ALPK2: variants seen among roughly 807,000 people sequenced by gnomAD.
The protein encoded by ALPK2 is alpha-protein kinase 2.
ALPK2 carries 127 observed loss-of-function variants against 163.1 expected under a neutral mutation model. The observed-to-expected ratio is 0.78, with a 90% CI of 0.67 to 0.90. The LOEUF is 0.90. ALPK2 is among the 40% of genes least tolerant of loss of function. The pLI is 0.00. For synonymous variants in ALPK2, 953 were observed against 959.1 expected (o/e 0.99, Z 0.12); for missense variants, 2,360 against 2,589.6 (o/e 0.91, Z 1.92).
rs755000390 is a variant in ALPK2 at position 58,579,321 on chromosome 18, G to A, written c.1455C>T (p.Leu485=). Residue 485 remains leucine (L), a synonymous_variant, in exon 4 of 13, where the codon CTC becomes CTT. Coordinates refer to ENST00000361673, the MANE Select transcript of ALPK2 (RefSeq NM_052947.4). ...AREEFASDNL[L]NMDESVRETE... is the part of the protein sequence containing the mutation. ...TCTCTCTTACTGATTCATCCATGTT[G>A]AGCAGATTGTCACTGGCAAATTCCT... 15 of 1,614,008 alleles carry A rather than the reference G, an allele frequency of 9.3e-6. No homozygotes were observed. In the East Asian group the frequency reaches 3.3e-4, roughly 36 times the overall value.
intron 3 of ALPK2, among the ~76,000 whole-genome samples, chr18:58,594,234 C>T (rs894852674): frequency 4.6e-5 from 7 of 152,004 alleles, no homozygotes; most frequent in African/African-American, 9.7e-5. Context: ...CTGGGAGCAA[C>T]GCAGACCCAC....
intron 4 of ALPK2, among the ~76,000 whole-genome samples, chr18:58,556,185 A>G (rs1234275989): frequency 1.3e-5 from 2 of 151,938 alleles, no homozygotes; most frequent in African/African-American, 2.4e-5. Flanking sequence ...ACACACACAC[A>G]CGCACACACA....
intron 4 of ALPK2, among the ~76,000 whole-genome samples, chr18:58,559,165 G>A (rs1037623454): frequency 6.6e-6 from 1 of 152,188 alleles, no homozygotes; most frequent in Non-Finnish European, 1.5e-5. Flanking sequence ...TCAACGTGGG[G>A]TGATTTTTGC....
At chr18:58,513,109 TGTA>T (rs1283693330) in intron 10 of ALPK2, among the ~76,000 whole-genome samples, 3 of 147,842 alleles carry the variant, frequency 2.0e-5, no homozygotes, top group African/African-American at 7.5e-5. Context: ...GTATGTGTGT[TGTA>T]TGTGGTGTGT....
chr18:58,574,438 CAAAAAAA>C lies in ALPK2; in HGVS notation c.1962+4369_1962+4375del, dbSNP rs34107333. Among the ~76,000 whole-genome samples, 28 of 49,406 alleles carry C rather than the reference CAAAAAAA, an allele frequency of 5.7e-4. 1 individual carries two copies. The highest frequency in any genetic ancestry group is 1.5e-3 in the South Asian group (2 of 1,342). The allele number at this position is 49,406 out of a possible 152,430, so 32.4% of individuals were successfully genotyped here. A position where few individuals can be genotyped will look rare whatever the true frequency, so the allele number is the denominator to read the frequency against. On this transcript the variant is annotated intron_variant, in intron 4 of 12. Coordinates refer to ENST00000361673, the MANE Select transcript of ALPK2 (RefSeq NM_052947.4). Reference sequence around the variant, plus strand: ...TGGGCAACAGAGTGAGACTCCATCTCAAAAAAAAAAAAAAAAAAAAAAGATTTGGATG... The same window carrying C: ...TGGGCAACAGAGTGAGACTCCATCTCAAAAAAAAAAAAAAAGATTTGGATG...
intron 6 of ALPK2, among the ~76,000 whole-genome samples, chr18:58,527,686 T>C (rs1390740188): frequency 6.6e-6 from 1 of 152,240 alleles, no homozygotes; most frequent in Non-Finnish European, 1.5e-5. Context: ...AGTGAAGCTC[T>C]AGGGAACCTC....
At chr18:58,510,528 T>C (rs1223254868) in intron 10 of ALPK2, among the ~76,000 whole-genome samples, 1 of 152,252 alleles carries the variant, frequency 6.6e-6, no homozygotes, top group Non-Finnish European at 1.5e-5. Flanking sequence ...CATGGAATGT[T>C]CTTCCATTTG....
At chr18:58,493,973 T>G (rs1036265214) in intron 12 of ALPK2, among the ~76,000 whole-genome samples, 2 of 152,204 alleles carry the variant, frequency 1.3e-5, no homozygotes, top group African/African-American at 4.8e-5. Flanking sequence ...GTATTGGTTC[T>G]GGTGCCCTCT....
At chr18:58,514,058 G>T (rs1474986094) in intron 10 of ALPK2, among the ~76,000 whole-genome samples, 1 of 151,920 alleles carries the variant, frequency 6.6e-6, no homozygotes, top group Non-Finnish European at 1.5e-5. Flanking sequence ...AGCGGGGCTT[G>T]GGGAAAAAAG....
intron 4 of ALPK2, chr18:58,578,149 A>T (rs2051931748): frequency 6.6e-6 from 1 of 152,222 alleles, no homozygotes; most frequent in Non-Finnish European, 1.5e-5. Context: ...GGGAAAACAA[A>T]TTTATTTCTT....
intron 4 of ALPK2, among the ~76,000 whole-genome samples, chr18:58,568,583 G>C (rs752526145): frequency 1.3e-5 from 2 of 152,150 alleles, no homozygotes; most frequent in Non-Finnish European, 2.9e-5. Flanking sequence ...TTGTATGTCT[G>C]TATACAGTTA....
chr18:58,577,951 C>T (rs1019470478), intron 4 of ALPK2: 5 of 152,068 alleles, frequency 3.3e-5, no homozygotes, highest in Non-Finnish European at 5.9e-5. Context: ...AATAAGTTTT[C>T]TTAGGTATTT....
intron 1 of ALPK2, among the ~76,000 whole-genome samples, chr18:58,616,003 C>T (rs1281207334): frequency 6.6e-6 from 1 of 152,308 alleles, no homozygotes; most frequent in Middle Eastern, 3.4e-3. Flanking sequence ...GCTCGTGTTT[C>T]GTGGCTTCTC....
chr18:58,492,184 A>G (rs1212623619), intron 12 of ALPK2, among the ~76,000 whole-genome samples: 1 of 151,990 alleles, frequency 6.6e-6, no homozygotes, highest in Non-Finnish European at 1.5e-5. Context: ...GCAGACACAA[A>G]AAGACACAGA....
chr18:58,559,462 C>G (rs1212280693), intron 4 of ALPK2, among the ~76,000 whole-genome samples: 1 of 152,158 alleles, frequency 6.6e-6, no homozygotes, highest in Non-Finnish European at 1.5e-5. Context: ...CTTTGACTTC[C>G]CAGGGGTCTG....
In ALPK2 at chr18:58,513,079, TTGTG is replaced by T. The variant is rs561796436; in HGVS notation, c.6029+1910_6029+1913del. On this transcript the variant is annotated intron_variant, in intron 10 of 12. Transcript: ENST00000361673. Reference sequence around the variant, plus strand: ...TGTGCATATGGTGAGTGTTGTGTGTTTGTGTGTGGTGTGTGTGTGGTATGTGTGT... The same window carrying T: ...TGTGCATATGGTGAGTGTTGTGTGTTTGTGGTGTGTGTGTGGTATGTGTGT... Among the ~76,000 whole-genome samples the T allele has an allele frequency of 1.2e-3, 154 of 123,942 alleles. 2 individuals are homozygous for T. The highest frequency in any genetic ancestry group is 3.2e-3 in the South Asian group (12 of 3,696). The allele number at this position is 123,942 out of a possible 152,430, so 81.3% of individuals were successfully genotyped here. A position where few individuals can be genotyped will look rare whatever the true frequency, so the allele number is the denominator to read the frequency against.
At chr18:58,495,794 A>T (rs1490108199) in intron 12 of ALPK2, among the ~76,000 whole-genome samples, 1 of 152,204 alleles carries the variant, frequency 6.6e-6, no homozygotes, top group Non-Finnish European at 1.5e-5. Flanking sequence ...GGCTAGGTGT[A>T]GATTAACTGG....
rs770783179 is a variant in ALPK2, at chr18:58,578,650, T to C, written c.1962+164A>G. Reference sequence around the variant, plus strand: ...TCCTTCCGAGCAGCAGCAGCTGTCATGCACAAGTACCCTGATGGTGTTGGG... The same window carrying C: ...TCCTTCCGAGCAGCAGCAGCTGTCACGCACAAGTACCCTGATGGTGTTGGG... On this transcript the variant is annotated intron_variant, in intron 4 of 12. Transcript: ENST00000361673. The C allele has an allele frequency of 4.5e-6, 3 of 662,150 alleles. No individual in the cohort carries two copies. In the African/African-American group the frequency reaches 5.5e-5, roughly 12 times the overall value. The allele number at this position is 662,150 out of a possible 1,614,324, so 41.0% of individuals were successfully genotyped here. A position where few individuals can be genotyped will look rare whatever the true frequency, so the allele number is the denominator to read the frequency against.
intron 12 of ALPK2, among the ~76,000 whole-genome samples, chr18:58,482,620 G>A (rs1306985533): frequency 2.0e-5 from 3 of 152,136 alleles, no homozygotes; most frequent in African/African-American, 4.8e-5. Context: ...CTGGCAGCCC[G>A]CTTTGTCCCC....
Sources: gnomAD v4.1 joint callset for allele counts (sites outside exome capture counted in the v4.1 genomes callset) on GRCh38, gnomAD v4.1.1 for gene constraint, MANE v1.5 for transcripts, NCBI Gene and HGNC (gene_info 2026-07-23, HGNC 2026-07-21) for gene names.